The following GK variants were observed in gnomAD, a reference collection of about 807,000 sequenced individuals.
The protein encoded by GK is ATP:glycerol 3-phosphotransferase.
GK carries 9 observed loss-of-function variants against 56.4 expected under a neutral mutation model. The ratio of observed to expected loss-of-function variants is 0.16; its 90% CI spans 0.10 to 0.28. The LOEUF (loss-of-function observed/expected upper bound fraction) is 0.28, where lower values mean the gene tolerates loss of function less well. Among genes scored for constraint, GK ranks in the 10% least tolerant of loss-of-function variants. The pLI is 1.00. For missense variants in GK, 161 were observed against 431.4 expected (o/e 0.37, Z 5.55); for synonymous variants, 104 against 144.1 (o/e 0.72, Z 1.99).
At chrX:30,691,258 A>C in intron 5 of GK, 59 bp downstream of exon 5, 1 of 619,206 alleles carries the variant, frequency 1.6e-6, no homozygotes, top group Non-Finnish European at 2.7e-6. Context: ...AAAAGTTTGC[A>C]GATTTCACTA....
At chrX:30,668,684 T>C (rs1430611509) in intron 3 of GK, among the ~76,000 whole-genome samples, 1 of 111,715 alleles carries the variant, frequency 9.0e-6, no homozygotes, top group Non-Finnish European at 1.9e-5. Context: ...TCATCAGCCA[T>C]ATTTAGGATT....
intron 10 of GK, 52 bp downstream of exon 10, chrX:30,700,501 G>A (rs750119962): frequency 4.1e-6 from 4 of 976,482 alleles, no homozygotes; most frequent in Admixed American, 4.5e-5. Context: ...CCATGTTATG[G>A]CTTTCCTCCT....
At chrX:30,707,956 C>T in intron 12 of GK, 98 bp from the exon 13 acceptor site, 1 of 516,575 alleles carries the variant, frequency 1.9e-6, no homozygotes, top group Non-Finnish European at 3.4e-6. Context: ...TTATTGATTG[C>T]ATTATTTTGT....
chrX:30,709,342 G>T (rs1411660828), intron 13 of GK, among the ~76,000 whole-genome samples: 1 of 111,870 alleles, frequency 8.9e-6, no homozygotes, highest in Non-Finnish European at 1.9e-5. Flanking sequence ...ACCTTCTCCT[G>T]TCTCCTTTAC....
chrX:30,655,260 T>C (rs1314914273), intron 1 of GK, among the ~76,000 whole-genome samples: 1 of 112,332 alleles, frequency 8.9e-6, no homozygotes, highest in Non-Finnish European at 1.9e-5. Flanking sequence ...CTGGATTTGA[T>C]TAATACATAA....
At chrX:30,662,831 C>CTTTCTTTCCT (rs1333159415) in intron 1 of GK, among the ~76,000 whole-genome samples, 1 of 7,691 alleles carries the variant, frequency 1.3e-4, no homozygotes, top group African/African-American at 3.3e-4. Flanking sequence ...CTCTCTCTCT[C>CTTTCTTTCCT]TCTTTCTTTC....
intron 4 of GK, among the ~76,000 whole-genome samples, chrX:30,681,083 G>A (rs1934256795): frequency 9.0e-6 from 1 of 111,714 alleles, no homozygotes; most frequent in Admixed American, 9.6e-5. Context: ...GCATTATCTA[G>A]TTTTCTATTT....
At chrX:30,713,018 G>A (rs893624452) in intron 13 of GK, among the ~76,000 whole-genome samples, 2 of 111,536 alleles carry the variant, frequency 1.8e-5, no homozygotes, top group African/African-American at 6.5e-5. Context: ...ACAGGCGTGA[G>A]CCACCGCGCC....
At chrX:30,687,078 C>T (rs1934660495) in intron 4 of GK, among the ~76,000 whole-genome samples, 1 of 111,271 alleles carries the variant, frequency 9.0e-6, no homozygotes, top group Non-Finnish European at 1.9e-5. Flanking sequence ...CCCAAAGCAG[C>T]CCTTTCATGT....
chrX:30,717,768 G>A (rs746697369), intron 13 of GK, among the ~76,000 whole-genome samples: 1 of 112,007 alleles, frequency 8.9e-6, no homozygotes, highest in East Asian at 2.8e-4. Context: ...AGAAATTAAT[G>A]AAGTCAATAT....
Position 30,653,465 on chromosome X carries a change from C to A in GK, c.-73C>A, listed in dbSNP as rs1034744078. ...GCGGCCTCGATCTCTGGACTCGTCA[C>A]CTGCCCCTCCCCCTCCCGCCGCCGT... On this transcript the variant is annotated 5_prime_UTR_variant, in exon 1 of 21. Coordinates refer to ENST00000427190, the MANE Select transcript of GK (RefSeq NM_001205019.2). 10 of 944,373 alleles carry A rather than the reference C, an allele frequency of 1.1e-5. No individual in the cohort carries two copies. The highest frequency in any genetic ancestry group is 1.5e-5 in the Non-Finnish European group (10 of 653,524). The allele number at this position is 944,373 out of a possible 1,213,427, so 77.8% of individuals were successfully genotyped here. A position where few individuals can be genotyped will look rare whatever the true frequency, so the allele number is the denominator to read the frequency against.
chrX:30,676,888 CA>C (rs1221286672), intron 3 of GK, among the ~76,000 whole-genome samples: 1 of 111,470 alleles, frequency 9.0e-6, no homozygotes, highest in Non-Finnish European at 1.9e-5. Flanking sequence ...TAAGGATGCT[CA>C]GCATGAAGGA....
chrX:30,724,911 C>T (rs1304229771), intron 19 of GK, among the ~76,000 whole-genome samples: 4 of 107,783 alleles, frequency 3.7e-5, no homozygotes, highest in Admixed American at 1.0e-4. Context: ...GACAGAGTCT[C>T]GCTCCGTCAC....
chrX:30,691,550 G>A (rs922148518), intron 5 of GK, among the ~76,000 whole-genome samples: 2 of 97,139 alleles, frequency 2.1e-5, no homozygotes, highest in Admixed American at 1.2e-4. Flanking sequence ...TCGGCTCACC[G>A]CAGCCTCTGC....
rs773898383 is a variant in GK, at chrX:30,701,041, T to C, written c.851+136T>C. On this transcript the variant is annotated intron_variant, in intron 11 of 20. Coordinates refer to ENST00000427190, the MANE Select transcript of GK (RefSeq NM_001205019.2). ...ATAGCTCCAATATGCATATATACAC[T>C]TTTTACCATTTTTTTATATCTTTAA... 965 of 481,463 alleles carry C rather than the reference T, an allele frequency of 2.0e-3. 5 individuals carry two copies. Among genetic ancestry groups the C allele is most frequent in the Non-Finnish European group, 3.0e-3 (815 of 268,032 alleles). The allele number at this position is 481,463 out of a possible 1,213,427, so 39.7% of individuals were successfully genotyped here.
chrX:30,720,444 G>A (rs111232673), intron 16 of GK, among the ~76,000 whole-genome samples, 177 bp from the exon 17 acceptor site: 15 of 111,801 alleles, frequency 1.3e-4, no homozygotes, highest in African/African-American at 3.9e-4. Flanking sequence ...GAGGTGTAGT[G>A]AGAGAAAAGG....
chrX:30,653,926 C>T (rs1480491952), intron 1 of GK, among the ~76,000 whole-genome samples: 1 of 112,776 alleles, frequency 8.9e-6, no homozygotes, highest in African/African-American at 3.2e-5. Context: ...GCAGAGCGGC[C>T]CGCTTGCAGT....
intron 5 of GK, among the ~76,000 whole-genome samples, chrX:30,693,747 C>T (rs889167110): frequency 9.1e-6 from 1 of 110,154 alleles, no homozygotes; most frequent in African/African-American, 3.3e-5. Flanking sequence ...CGGGGTTTCA[C>T]CATGTTGGCC....
chrX:30,680,035 C>T lies in GK; in HGVS notation c.337+2583C>T, dbSNP rs758508518. On this transcript the variant is annotated intron_variant, in intron 4 of 20. Transcript: ENST00000427190. ...GTTGAACTTCACTTGGGCCTTGAAG[C>T]GTATATTGGATTGCGTTAGGAAAAG... 4.5e-5 allele frequency among the ~76,000 whole-genome samples: 5 copies of T among 111,135 alleles called. No individual in the cohort carries two copies. In the East Asian group the frequency reaches 1.4e-3, roughly 31 times the overall value.
Sources: allele counts gnomAD v4.1 joint callset (sites outside exome capture counted in the v4.1 genomes callset), GRCh38; gene constraint gnomAD v4.1.1; transcripts MANE v1.5; gene names NCBI Gene and HGNC (gene_info 2026-07-23, HGNC 2026-07-21).